PTPN13: variants seen among roughly 807,000 people sequenced by gnomAD.
PTPN13 encodes protein tyrosine phosphatase non-receptor type 13.
Under a neutral mutation model 284.0 loss-of-function variants are expected in PTPN13, and 191 were observed. That is an observed-to-expected ratio of 0.67 (90% CI 0.60 to 0.76). The LOEUF (loss-of-function observed/expected upper bound fraction) is 0.76. Among genes scored for constraint, PTPN13 ranks in the 30% least tolerant of loss-of-function variants. PTPN13 has a pLI of 0.00. For synonymous variants in PTPN13, 986 were observed against 1,022.3 expected, an observed-to-expected ratio of 0.96 and a Z score of 0.68; for missense variants, 2,797 against 2,939.9, an observed-to-expected ratio of 0.95 and a Z score of 1.12.
chr4:86,649,007 GC>G (rs1724773932), intron 2 of PTPN13, among the ~76,000 whole-genome samples: 1 of 151,904 alleles, frequency 6.6e-6, no homozygotes, highest in Non-Finnish European at 1.5e-5. Flanking sequence ...ATACTTCTTG[GC>G]CATTTGTATG....
intron 2 of PTPN13, among the ~76,000 whole-genome samples, chr4:86,646,604 T>A (rs951604204): frequency 1.3e-5 from 2 of 152,232 alleles, no homozygotes; most frequent in African/African-American, 4.8e-5. Context: ...AGCCAGCAAC[T>A]GGAAGTTTCA....
chr4:86,600,746 G>T (rs1017720189), intron 1 of PTPN13, among the ~76,000 whole-genome samples: 3 of 151,808 alleles, frequency 2.0e-5, no homozygotes, highest in Admixed American at 6.6e-5. Flanking sequence ...CACTATTTAA[G>T]TATTTTTGCT....
chr4:86,656,755 CAG>C (rs1725870293), intron 2 of PTPN13, among the ~76,000 whole-genome samples: 1 of 152,204 alleles, frequency 6.6e-6, no homozygotes, highest in African/African-American at 2.4e-5. Flanking sequence ...TCAAAGCTGT[CAG>C]ACAGGGACAT....
chr4:86,611,158 A>G (rs1398517315), intron 1 of PTPN13, among the ~76,000 whole-genome samples: 2 of 152,216 alleles, frequency 1.3e-5, no homozygotes, highest in African/African-American at 2.4e-5. Flanking sequence ...CATTTGCAAG[A>G]GTTATAAAAT....
Position 86,728,604 on chromosome 4 carries a change from A to G in PTPN13, c.1609-3796A>G, listed in dbSNP as rs187110309. Among the ~76,000 whole-genome samples, 259 of 101,422 alleles carry G rather than the reference A, an allele frequency of 2.6e-3. 7 individuals are homozygous for G. Among genetic ancestry groups the G allele is most frequent in the Middle Eastern group, 8.3e-3 (1 of 120 alleles). 66.5% of individuals were successfully genotyped at this position (101,422 alleles called of 152,430 possible). On this transcript the variant is annotated intron_variant, in intron 10 of 47. Coordinates refer to ENST00000411767, the MANE Select transcript of PTPN13 (RefSeq NM_080683.3). ...TGTCTCTTTTGATCTTTGTTGGTTT[A>G]CAGTTTGTTTCATCAGAGACTAGGA...
rs145668155 is a variant in PTPN13, at chr4:86,732,633, C to T, written c.1725C>T (p.Asn575=). 1.1e-4 allele frequency: 178 copies of T among 1,613,470 alleles called. No individual in the cohort carries two copies. In the African/African-American group the frequency reaches 1.3e-3, roughly 12 times the overall value. ...GKNEDNRRKV[N]IMLLNGQRLE... is the part of the protein sequence containing the mutation. ...ATGAGGATAACCGAAGGAAAGTAAA[C>T]ATAATGCTTCTGAACGGGCAAAGAC... Residue 575 remains asparagine, a synonymous_variant, in exon 12 of 48, where the codon AAC becomes AAT. Transcript: ENST00000411767.
chr4:86,759,081 G>T lies in PTPN13; in HGVS notation c.3553+8G>T. ...AAGAAAAGATATCCAAAGGTAATGT[G>T]AATGTCTCTTACTTATGTATTCTGT... On this transcript the variant is annotated splice_region_variant and intron_variant, in intron 23 of 47. Transcript: ENST00000411767. The T allele has an allele frequency of 6.2e-7, 1 of 1,611,110 alleles. No homozygotes were observed. Among genetic ancestry groups the T allele is most frequent in the South Asian group, 1.1e-5 (1 of 90,480 alleles).
At chr4:86,657,138 C>G (rs1380003712) in intron 2 of PTPN13, among the ~76,000 whole-genome samples, 3 of 152,160 alleles carry the variant, frequency 2.0e-5, no homozygotes, top group Admixed American at 1.3e-4. Flanking sequence ...CTTCCCTTGG[C>G]TAGGAAAGGG....
intron 17 of PTPN13, 24 bp downstream of exon 17, chr4:86,745,152 G>C (rs1377907189): frequency 6.3e-7 from 1 of 1,588,414 alleles, no homozygotes; most frequent in Non-Finnish European, 8.6e-7. Context: ...GACTATTTCA[G>C]ATGACTCCTG....
At chr4:86,679,703 A>T (rs1447965555) in intron 3 of PTPN13, among the ~76,000 whole-genome samples, 1 of 152,200 alleles carries the variant, frequency 6.6e-6, no homozygotes, top group Non-Finnish European at 1.5e-5. Flanking sequence ...TATGTAGCAC[A>T]TGTAAAGCAG....
chr4:86,619,862 T>C (rs1197253242), intron 1 of PTPN13, among the ~76,000 whole-genome samples: 2 of 152,080 alleles, frequency 1.3e-5, no homozygotes, highest in Non-Finnish European at 2.9e-5. Context: ...ATCTCCCTTT[T>C]TAACAAATAG....
At chr4:86,768,682 C>CTGCT (rs1205767110) in intron 28 of PTPN13, among the ~76,000 whole-genome samples, 1 of 150,256 alleles carries the variant, frequency 6.7e-6, no homozygotes, top group African/African-American at 2.4e-5. Context: ...TTTTATCATA[C>CTGCT]TGCTCTTTAT....
chr4:86,595,243 TGTGTGTAAGGGCTCGAGAAGGGG>T (rs1763535123), intron 1 of PTPN13, among the ~76,000 whole-genome samples: 1 of 151,428 alleles, frequency 6.6e-6, no homozygotes, highest in Non-Finnish European at 1.5e-5. Context: ...CAGAAGAATG[TGTGTGTAAGGGCTCGAGAAGGGG>T]GTGGGATGGC....
rs1733046319 is a variant in PTPN13, at chr4:86,716,577, T to G, written c.1243T>G (p.Ser415Ala). 1 of 1,600,228 alleles carries G rather than the reference T, an allele frequency of 6.2e-7. No homozygotes were observed. The highest frequency in any genetic ancestry group is 1.3e-5 in the African/African-American group (1 of 74,826). The change falls in exon 8 of 48, where the codon TCC (serine) becomes GCC (alanine). Residue 415 changes from serine (S) to alanine (A), a missense_variant. Physicochemically the swap from Ser to Ala is moderately conservative, Grantham distance 99 (BLOSUM62 1). Transcript: ENST00000411767. ...KTYHGDVFST[S>A]SESPSIISSE... Reference sequence around the variant, plus strand: ...TTATCATGGTGATGTCTTTAGTACCTCCAGTGAAAGTCCATCTATTATTTC... The same window carrying G: ...TTATCATGGTGATGTCTTTAGTACCGCCAGTGAAAGTCCATCTATTATTTC...
chr4:86,745,911 T>C, intron 17 of PTPN13, among the ~76,000 whole-genome samples: 1 of 151,994 alleles, frequency 6.6e-6, no homozygotes, highest in African/African-American at 2.4e-5. Context: ...ATAAAAATAA[T>C]GCAAGTAGTT....
At chr4:86,782,430 A>T (rs532454701) in intron 37 of PTPN13, among the ~76,000 whole-genome samples, 168 bp downstream of exon 37, 8 of 152,246 alleles carry the variant, frequency 5.3e-5, no homozygotes, top group Non-Finnish European at 1.0e-4. Flanking sequence ...TAAGTAAATC[A>T]TACAACATAG....
chr4:86,672,483 A>G lies in PTPN13; in HGVS notation c.234A>G (p.Ala78=). Residue 78 remains alanine, a synonymous_variant, in exon 3 of 48, where the codon GCA becomes GCG. Transcript: ENST00000411767. The stretch of plus-strand genomic sequence containing the variant: ...ATATTTCCAATCAGGATCTTCGAGC[A>G]TTCACTGCACCAGAGGTTCTTCAAA... ...DENISNQDLR[A]FTAPEVLQNQ... 1 of 1,605,984 alleles carries G rather than the reference A, an allele frequency of 6.2e-7. No individual in the cohort carries two copies. The highest frequency in any genetic ancestry group is 8.5e-7 in the Non-Finnish European group (1 of 1,175,848).
At chr4:86,605,664 G>C (rs1338521154) in intron 1 of PTPN13, among the ~76,000 whole-genome samples, 1 of 151,732 alleles carries the variant, frequency 6.6e-6, no homozygotes, top group Non-Finnish European at 1.5e-5. Flanking sequence ...CTTAATGATA[G>C]TATCTTCAGA....
intron 10 of PTPN13, among the ~76,000 whole-genome samples, chr4:86,729,547 A>AT: frequency 6.7e-6 from 1 of 148,526 alleles, no homozygotes; most frequent in South Asian, 2.1e-4. Flanking sequence ...TCTTTTTACT[A>AT]TTTTTTCTCT....
Sources: allele counts gnomAD v4.1 joint callset (sites outside exome capture counted in the v4.1 genomes callset), GRCh38; gene constraint gnomAD v4.1.1; transcripts MANE v1.5; gene names NCBI Gene and HGNC (gene_info 2026-07-23, HGNC 2026-07-21).